CUL3: variants seen among roughly 807,000 people sequenced by gnomAD.
CUL3 encodes the protein cullin 3.
In CUL3, 19 loss-of-function variants were observed where a neutral mutation model predicts 89.1. That is an observed-to-expected ratio of 0.21 (90% CI 0.15 to 0.31). CUL3 has a LOEUF of 0.31. Among genes scored for constraint, CUL3 ranks in the 10% least tolerant of loss-of-function variants. The pLI is 1.00. For missense variants in CUL3, 469 were observed against 942.3 expected (o/e 0.50, Z 6.58); for synonymous variants, 351 against 308.4 (o/e 1.14, Z -1.45).
At chr2:224,478,543 G>T in intron 14 of CUL3, 198 bp from the exon 15 acceptor site, 1 of 429,248 alleles carries the variant, frequency 2.3e-6, no homozygotes, top group Admixed American at 4.0e-5. Flanking sequence ...CAAAAATGAG[G>T]AATTTAACTT....
intron 1 of CUL3, among the ~76,000 whole-genome samples, chr2:224,573,140 C>T (rs1695220813): frequency 6.6e-6 from 1 of 152,142 alleles, no homozygotes; most frequent in African/African-American, 2.4e-5. Flanking sequence ...AGAATTTAAT[C>T]TTTGTATTTC....
At chr2:224,478,550 A>C in intron 14 of CUL3, 1 of 426,416 alleles carries the variant, frequency 2.3e-6, no homozygotes, top group East Asian at 3.5e-5. Flanking sequence ...GAGGAATTTA[A>C]CTTTGAGATA....
chr2:224,575,427 T>G (rs1045853143), intron 1 of CUL3, among the ~76,000 whole-genome samples: 1 of 152,146 alleles, frequency 6.6e-6, no homozygotes, highest in Non-Finnish European at 1.5e-5. Flanking sequence ...TCTGCTGCTA[T>G]TTCTGGCCTT....
chr2:224,543,435 GTCATTCTA>G (rs1359661063), intron 2 of CUL3, among the ~76,000 whole-genome samples: 4 of 152,152 alleles, frequency 2.6e-5, no homozygotes, highest in Non-Finnish European at 5.9e-5. Flanking sequence ...TCAAAGGTAT[GTCATTCTA>G]TAAATCTATA....
intron 3 of CUL3, among the ~76,000 whole-genome samples, chr2:224,529,827 A>G (rs1693625322): frequency 1.3e-5 from 2 of 152,192 alleles, no homozygotes; most frequent in South Asian, 2.1e-4. Context: ...TATGTGGGAC[A>G]AATTTTGAAC....
At chr2:224,565,059 T>A (rs1559232111) in intron 1 of CUL3, among the ~76,000 whole-genome samples, 2 of 152,158 alleles carry the variant, frequency 1.3e-5, no homozygotes, top group East Asian at 3.8e-4. Context: ...CTGAACCATG[T>A]GAGAGTTAGG....
At chr2:224,518,482 A>G (rs1002722238) in intron 3 of CUL3, among the ~76,000 whole-genome samples, 2 of 152,146 alleles carry the variant, frequency 1.3e-5, no homozygotes, top group Non-Finnish European at 2.9e-5. Flanking sequence ...TCTTGGGTGG[A>G]TTCTAAGAGA....
At chr2:224,522,364 T>G (rs766603902) in intron 3 of CUL3, among the ~76,000 whole-genome samples, 1 of 152,170 alleles carries the variant, frequency 6.6e-6, no homozygotes, top group Non-Finnish European at 1.5e-5. Context: ...AAGAACTTTC[T>G]CAATACTTTC....
At chr2:224,560,220 A>G (rs1413257323) in intron 1 of CUL3, among the ~76,000 whole-genome samples, 1 of 151,594 alleles carries the variant, frequency 6.6e-6, no homozygotes, top group Non-Finnish European at 1.5e-5. Context: ...CCAATCCTAA[A>G]GCTCAAGTTC....
chr2:224,501,302 T>C (rs1166147394), intron 10 of CUL3, among the ~76,000 whole-genome samples: 1 of 152,220 alleles, frequency 6.6e-6, no homozygotes, highest in Non-Finnish European at 1.5e-5. Context: ...ACAGATCCAG[T>C]GCTATAACAC....
intron 2 of CUL3, among the ~76,000 whole-genome samples, chr2:224,540,405 A>T (rs11687736): frequency 0.29 from 43,266 of 149,006 alleles, 6,480 homozygotes; most frequent in Middle Eastern, 0.41. Context: ...CTTTATATTT[A>T]AAAAAAAAAG....
At chr2:224,474,658 G>A (rs1000760961) in intron 15 of CUL3, among the ~76,000 whole-genome samples, 23 of 152,160 alleles carry the variant, frequency 1.5e-4, no homozygotes, top group Admixed American at 1.5e-3. Flanking sequence ...TAGTTTAACC[G>A]TTTTGATGCT....
At chr2:224,569,820 T>G (rs1341779929) in intron 1 of CUL3, 1 of 1,055,360 alleles carries the variant, frequency 9.5e-7, no homozygotes, top group Non-Finnish European at 1.2e-6. Flanking sequence ...GTGAATAATT[T>G]TCTACAAGAA....
At chr2:224,558,868 TAAATATA>T (rs1694812793) in intron 1 of CUL3, among the ~76,000 whole-genome samples, 1 of 10,902 alleles carries the variant, frequency 9.2e-5, no homozygotes, top group African/African-American at 1.6e-3. Flanking sequence ...CGGTCTCTAC[TAAATATA>T]CAAAAAATAT....
chr2:224,545,515 C>T (rs1694261078), intron 2 of CUL3, among the ~76,000 whole-genome samples: 1 of 152,182 alleles, frequency 6.6e-6, no homozygotes, highest in African/African-American at 2.4e-5. Context: ...CCCATTCTTA[C>T]TCTTTGCTTT....
intron 12 of CUL3, among the ~76,000 whole-genome samples, chr2:224,496,269 G>A (rs984456582): frequency 9.9e-5 from 15 of 152,178 alleles, no homozygotes; most frequent in African/African-American, 3.6e-4. Flanking sequence ...GGGCTCCAGT[G>A]ATTTGCCCGC....
At chr2:224,576,838 C>T (rs1345426773) in intron 1 of CUL3, among the ~76,000 whole-genome samples, 2 of 152,210 alleles carry the variant, frequency 1.3e-5, no homozygotes, top group Non-Finnish European at 2.9e-5. Flanking sequence ...CAAGAGGTTA[C>T]ACACTTACTC....
At position 224,471,233 on chromosome 2, in the gene CUL3, T is replaced by C. The variant is rs1054567683; in HGVS notation, c.*3012A>G. 2 of 210,282 alleles carry C rather than the reference T, an allele frequency of 9.5e-6. No homozygotes were observed. The highest frequency in any genetic ancestry group is 1.9e-5 in the Non-Finnish European group (2 of 103,610). The allele number at this position is 210,282 out of a possible 1,614,324, so 13.0% of individuals were successfully genotyped here. Reference sequence around the variant, plus strand: ...ATATGCAACAGCTTTCCTTCCAAGATTGACACAATATACCATATACTCTAT... The same window carrying C: ...ATATGCAACAGCTTTCCTTCCAAGACTGACACAATATACCATATACTCTAT... On this transcript the variant is annotated 3_prime_UTR_variant, in exon 16 of 16. Coordinates refer to ENST00000264414, the MANE Select transcript of CUL3 (RefSeq NM_003590.5).
At chr2:224,579,471 T>C (rs1021035413) in intron 1 of CUL3, among the ~76,000 whole-genome samples, 1 of 151,392 alleles carries the variant, frequency 6.6e-6, no homozygotes, top group African/African-American at 2.4e-5. Context: ...AACATTTCTG[T>C]AGCTCGAAGA....
Sources: allele counts gnomAD v4.1 joint callset (sites outside exome capture counted in the v4.1 genomes callset), GRCh38; gene constraint gnomAD v4.1.1; transcripts MANE v1.5; gene names NCBI Gene and HGNC (gene_info 2026-07-23, HGNC 2026-07-21).